EFCAB14: variants seen among roughly 807,000 people sequenced by gnomAD.
EFCAB14 encodes the protein EF-hand calcium-binding domain-containing protein 14.
Under a neutral mutation model 56.5 loss-of-function variants are expected in EFCAB14, and 43 were observed. The ratio of observed to expected loss-of-function variants is 0.76; its 90% CI spans 0.60 to 0.98. The LOEUF (loss-of-function observed/expected upper bound fraction) is 0.98, where lower values mean the gene tolerates loss of function less well. Ranked by LOEUF, EFCAB14 falls within the 50% of genes least tolerant of loss-of-function variation. The pLI is 0.00. For synonymous variants in EFCAB14, 235 were observed against 212.9 expected, an observed-to-expected ratio of 1.10 and a Z score of -0.90; for missense variants, 538 against 580.3, an observed-to-expected ratio of 0.93 and a Z score of 0.75.
chr1:46,681,344 T>G (rs1309374032), intron 10 of EFCAB14, among the ~76,000 whole-genome samples: 6 of 152,222 alleles, frequency 3.9e-5, no homozygotes, highest in African/African-American at 1.4e-4. Flanking sequence ...GTCAATGAGC[T>G]TTATGTTTCT....
intron 2 of EFCAB14, among the ~76,000 whole-genome samples, chr1:46,714,659 C>T (rs1032906583): frequency 1.3e-5 from 2 of 151,744 alleles, no homozygotes; most frequent in Admixed American, 6.6e-5. Flanking sequence ...GAGGGTGGCG[C>T]GTGCCTGTAG....
intron 2 of EFCAB14, among the ~76,000 whole-genome samples, chr1:46,712,774 G>A (rs113871826): frequency 0.017 from 2,536 of 152,148 alleles, 67 homozygotes; most frequent in African/African-American, 0.057. Context: ...TTGGGAGGCC[G>A]AGAAGAGTGA....
chr1:46,689,230 C>T (rs955664783), intron 6 of EFCAB14, among the ~76,000 whole-genome samples: 1 of 152,154 alleles, frequency 6.6e-6, no homozygotes, highest in African/African-American at 2.4e-5. Context: ...TTTACTGTGG[C>T]TCAAAATAGC....
intron 5 of EFCAB14, among the ~76,000 whole-genome samples, chr1:46,690,850 T>C (rs2148842486): frequency 6.7e-6 from 1 of 149,208 alleles, no homozygotes; most frequent in East Asian, 2.0e-4. Flanking sequence ...CAGGTCTCCT[T>C]GGTACAAACT....
chr1:46,689,412 A>G (rs1005518237), intron 6 of EFCAB14, among the ~76,000 whole-genome samples, 175 bp downstream of exon 6: 19 of 152,170 alleles, frequency 1.2e-4, no homozygotes, highest in African/African-American at 4.6e-4. Flanking sequence ...AAGAAGGGAA[A>G]GGACAGCAAT....
At chr1:46,685,135 G>A (rs868579495) in intron 8 of EFCAB14, 1 of 152,522 alleles carries the variant, frequency 6.6e-6, no homozygotes, top group Admixed American at 6.5e-5. Context: ...TGAGTCAACT[G>A]GTGGCAGAAA....
rs572799869 is a variant in EFCAB14 at position 46,678,618 on chromosome 1, C to T, written c.1331G>A (p.Arg444His). 4.4e-4 allele frequency: 702 copies of T among 1,612,090 alleles called. 8 individuals carry two copies. In the South Asian group the frequency reaches 7.0e-3, roughly 16 times the overall value. ...CCCATCCACGTCCTGGCCAGTCTTG[C>T]GGAATAAATCCTGAAGATCTGTCAA... Reference protein sequence around the residue: ...SSTEDLQDLFRKTGQDVDGKL... With the variant: ...SSTEDLQDLFHKTGQDVDGKL... Residue 444 changes from arginine (R) to histidine (H), a missense_variant, in exon 11 of 11, where the codon CGC becomes CAC. Physicochemically the swap from Arg to His is conservative, Grantham distance 29. Coordinates refer to ENST00000371933, the MANE Select transcript of EFCAB14 (RefSeq NM_014774.3).
chr1:46,696,297 A>G (rs1227826645), intron 4 of EFCAB14, among the ~76,000 whole-genome samples: 1 of 152,150 alleles, frequency 6.6e-6, no homozygotes, highest in African/African-American at 2.4e-5. Context: ...AGAGCCAAAT[A>G]AAAAGGTATG....
chr1:46,713,840 A>T (rs986322500), intron 2 of EFCAB14, among the ~76,000 whole-genome samples: 1 of 152,114 alleles, frequency 6.6e-6, no homozygotes, highest in East Asian at 1.9e-4. Context: ...GTTTCTGAGA[A>T]CCTAATTTCC....
rs146999458 is a variant in EFCAB14, at chr1:46,683,384, T to C, written c.1228A>G (p.Lys410Glu). Residue 410 changes from lysine (K) to glutamate (E), a missense_variant, in exon 10 of 11, where the codon AAA becomes GAA. By Grantham distance (56) the Lys-to-Glu change is moderately conservative. Transcript: ENST00000371933. The part of the protein sequence containing the change: ...SFTSKPSALP[K>E]FSQFLGDPVE... ...GGGTCTCCAAGAAACTGTGAAAATTTTGGCAATGCTGATGGCTTTGATGTG... is the reference window on the plus strand; with the variant it reads ...GGGTCTCCAAGAAACTGTGAAAATTCTGGCAATGCTGATGGCTTTGATGTG... 8.1e-5 allele frequency: 130 copies of C among 1,613,954 alleles called. No individual in the cohort carries two copies. The African/African-American group carries it at 1.5e-3, about 18-fold the overall frequency.
intron 4 of EFCAB14, among the ~76,000 whole-genome samples, chr1:46,694,165 T>C (rs1677043310): frequency 6.6e-6 from 1 of 152,176 alleles, no homozygotes; most frequent in Non-Finnish European, 1.5e-5. Flanking sequence ...GACATAGGCA[T>C]GGGCAAGGAC....
chr1:46,691,709 A>G (rs1676995177), intron 5 of EFCAB14, 118 bp downstream of exon 5: 1 of 642,612 alleles, frequency 1.6e-6, no homozygotes, highest in Admixed American at 3.0e-5. Context: ...TATACTGCTT[A>G]TTAGATCTTT....
intron 2 of EFCAB14, among the ~76,000 whole-genome samples, chr1:46,713,247 G>A (rs1677336039): frequency 6.6e-6 from 1 of 152,126 alleles, no homozygotes; most frequent in African/African-American, 2.4e-5. Context: ...GACATTGCAG[G>A]TGCTGGCATT....
At chr1:46,679,618 T>TTTTG in intron 10 of EFCAB14, among the ~76,000 whole-genome samples, 2 of 133,828 alleles carry the variant, frequency 1.5e-5, no homozygotes, top group Non-Finnish European at 3.2e-5. Context: ...TTTTTTTTTT[T>TTTTG]TTTTTTTTTT....
chr1:46,692,632 C>T (rs1677010760), intron 4 of EFCAB14, among the ~76,000 whole-genome samples: 1 of 152,082 alleles, frequency 6.6e-6, no homozygotes, highest in African/African-American at 2.4e-5. Context: ...AATCCTGTAC[C>T]AATATTGGTA....
At position 46,677,631 on chromosome 1, in the gene EFCAB14, G is replaced by GAGCT. The variant is rs772316877; in HGVS notation, c.*826_*829dup. The GAGCT allele has an allele frequency of 5.9e-5, 9 of 152,212 alleles. No individual in the cohort carries two copies. The East Asian group carries it at 7.7e-4, about 13-fold the overall frequency. The allele number at this position is 152,212 out of a possible 1,614,324, so 9.4% of individuals were successfully genotyped here. On this transcript the variant is annotated 3_prime_UTR_variant, in exon 11 of 11. Transcript: ENST00000371933. Reference sequence around the variant, plus strand: ...TCTAGCTCACTCAGCAGGGAAAATGGAGCTCCCCAATGGATAACTTTTTAT... The same window carrying GAGCT: ...TCTAGCTCACTCAGCAGGGAAAATGGAGCTAGCTCCCCAATGGATAACTTTTTAT...
intron 3 of EFCAB14, among the ~76,000 whole-genome samples, chr1:46,698,435 A>G (rs1569712829): frequency 6.6e-6 from 1 of 152,122 alleles, no homozygotes; most frequent in Non-Finnish European, 1.5e-5. Flanking sequence ...TTTTATATAG[A>G]AAAATATCAG....
chr1:46,690,205 T>G (rs1408181246), intron 5 of EFCAB14, among the ~76,000 whole-genome samples: 1 of 152,222 alleles, frequency 6.6e-6, no homozygotes, highest in Non-Finnish European at 1.5e-5. Flanking sequence ...GTAAGACTTA[T>G]GTTTGAGGGT....
intron 5 of EFCAB14, 26 bp from the exon 6 acceptor site, chr1:46,689,717 T>C (rs1201072326): frequency 6.9e-6 from 11 of 1,597,418 alleles, no homozygotes; most frequent in Non-Finnish European, 9.4e-6. Context: ...AAGTTTAGTG[T>C]AGGCAACAAG....
Sources: allele counts gnomAD v4.1 joint callset (sites outside exome capture counted in the v4.1 genomes callset), GRCh38; gene constraint gnomAD v4.1.1; transcripts MANE v1.5; gene names NCBI Gene and HGNC (gene_info 2026-07-23, HGNC 2026-07-21).